PRLR: variants seen among roughly 807,000 people sequenced by gnomAD.
PRLR encodes hPRL receptor.
PRLR carries 13 observed loss-of-function variants against 40.2 expected under a neutral mutation model. The ratio of observed to expected loss-of-function variants is 0.32; its 90% confidence interval spans 0.21 to 0.51. PRLR has a LOEUF of 0.51. Among genes scored for constraint, PRLR ranks in the 20% least tolerant of loss-of-function variants. PRLR has a pLI of 0.97. For missense variants in PRLR, 656 were observed against 747.3 expected (o/e 0.88, Z 1.42); for synonymous variants, 269 against 278.7 (o/e 0.97, Z 0.35).
chr5:35,052,169 C>T (rs987476411), downstream of PRLR, among the ~76,000 whole-genome samples: 25 of 152,212 alleles, frequency 1.6e-4, no homozygotes, highest in African/African-American at 6.0e-4. Context: ...AGATGAACCT[C>T]ATTAATGCAA....
intron 1 of PRLR, among the ~76,000 whole-genome samples, chr5:35,202,830 T>A (rs73078878): frequency 0.011 from 1,673 of 152,306 alleles, 39 homozygotes; most frequent in African/African-American, 0.039. Context: ...AAGACATGAA[T>A]GTAATTTAGC....
chr5:35,168,947 C>T (rs567696651), intron 1 of PRLR, among the ~76,000 whole-genome samples: 10 of 152,234 alleles, frequency 6.6e-5, no homozygotes, highest in African/African-American at 1.9e-4. Flanking sequence ...ATCTGGATCC[C>T]ACACCTCAAA....
At chr5:35,140,649 G>C (rs748819746) in intron 1 of PRLR, among the ~76,000 whole-genome samples, 1 of 152,188 alleles carries the variant, frequency 6.6e-6, no homozygotes, top group African/African-American at 2.4e-5. Context: ...CTTATGATGT[G>C]GGGGGAGGAG....
intron 2 of PRLR, among the ~76,000 whole-genome samples, chr5:35,102,872 A>G (rs1364612149): frequency 6.6e-6 from 1 of 151,996 alleles, no homozygotes; most frequent in East Asian, 1.9e-4. Flanking sequence ...TTTTCTTTAC[A>G]TTCAATTTAA....
At chr5:35,089,996 T>C (rs373033457) in intron 2 of PRLR, among the ~76,000 whole-genome samples, 1 of 152,180 alleles carries the variant, frequency 6.6e-6, no homozygotes. Flanking sequence ...ATATCATCCA[T>C]CTTATGTAAC....
rs994904989 is a variant in PRLR, at chr5:35,059,124, C to A, written c.*5965G>T. 1 of 152,078 alleles carries A rather than the reference C, an allele frequency of 6.6e-6. No homozygotes were observed. The highest frequency in any genetic ancestry group is 1.9e-4 in the East Asian group (1 of 5,198). The allele number at this position is 152,078 out of a possible 1,614,324, so 9.4% of individuals were successfully genotyped here. A position where few individuals can be genotyped will look rare whatever the true frequency, so the allele number is the denominator to read the frequency against. The stretch of plus-strand genomic sequence containing the variant: ...CATTTTGAGGTTTATCCAAGTGAAG[C>A]GTAATTTGACCATAACTATTAAAGG... On this transcript the variant is annotated 3_prime_UTR_variant, in exon 10 of 10. Transcript: ENST00000618457.
intron 5 of PRLR, among the ~76,000 whole-genome samples, chr5:35,075,259 G>A (rs1770005012): frequency 6.6e-6 from 1 of 152,208 alleles, no homozygotes; most frequent in Non-Finnish European, 1.5e-5. Flanking sequence ...CCCGGGAAGT[G>A]CAAGGGGTCA....
chr5:35,217,129 T>G (rs972565548), intron 1 of PRLR, among the ~76,000 whole-genome samples: 1 of 152,156 alleles, frequency 6.6e-6, no homozygotes, highest in Non-Finnish European at 1.5e-5. Flanking sequence ...CCTTTTCTGT[T>G]GAGAAACTTC....
At chr5:35,161,231 G>C (rs994918667) in intron 1 of PRLR, among the ~76,000 whole-genome samples, 1 of 152,178 alleles carries the variant, frequency 6.6e-6, no homozygotes, top group African/African-American at 2.4e-5. Flanking sequence ...TTCATTCCCA[G>C]TTACCTGCGC....
chr5:35,136,417 G>T (rs2962107), intron 1 of PRLR, among the ~76,000 whole-genome samples: 31,430 of 151,852 alleles, frequency 0.21, 5,848 homozygotes, highest in African/African-American at 0.5. Flanking sequence ...ACTGTAGGGT[G>T]CCTAGCAGCA....
chr5:35,138,390 G>A (rs1225110172), intron 1 of PRLR, among the ~76,000 whole-genome samples: 2 of 152,162 alleles, frequency 1.3e-5, no homozygotes, highest in African/African-American at 2.4e-5. Flanking sequence ...ATGTCATCAT[G>A]GTAAAACCAC....
intron 2 of PRLR, among the ~76,000 whole-genome samples, chr5:35,091,327 T>G (rs923476103): frequency 3.9e-5 from 6 of 152,168 alleles, no homozygotes; most frequent in African/African-American, 1.4e-4. Context: ...GGTTAAAGAC[T>G]CCTACTGGGT....
At chr5:35,117,396 A>T (rs1341892135) in intron 2 of PRLR, among the ~76,000 whole-genome samples, 1 of 152,164 alleles carries the variant, frequency 6.6e-6, no homozygotes, top group East Asian at 1.9e-4. Flanking sequence ...TCAAAGTCGT[A>T]CATGTCGAGC....
At position 35,062,017 on chromosome 5, in the gene PRLR, A is replaced by T. The variant is rs1769066445; in HGVS notation, c.*3072T>A. 1 of 152,202 alleles carries T rather than the reference A, an allele frequency of 6.6e-6. No homozygotes were observed. Among genetic ancestry groups the T allele is most frequent in the South Asian group, 2.1e-4 (1 of 4,830 alleles). The allele number at this position is 152,202 out of a possible 1,614,324, so 9.4% of individuals were successfully genotyped here. On this transcript the variant is annotated 3_prime_UTR_variant, in exon 10 of 10. Transcript: ENST00000618457. ...TCTTTTTTTAAATGCCTCTTTCTAC[A>T]CATATATTTGCACATAATCTTAGAA...
intron 2 of PRLR, among the ~76,000 whole-genome samples, chr5:35,104,302 C>G (rs538954405): frequency 1.3e-5 from 2 of 152,178 alleles, no homozygotes; most frequent in Non-Finnish European, 2.9e-5. Context: ...CAGCTCCCAG[C>G]GTGAGCAATG....
At chr5:35,176,666 G>A (rs1775156599) in intron 1 of PRLR, among the ~76,000 whole-genome samples, 1 of 152,170 alleles carries the variant, frequency 6.6e-6, no homozygotes, top group Non-Finnish European at 1.5e-5. Flanking sequence ...AGTACCCAGG[G>A]ACACAAAAAC....
chr5:35,173,817 G>GTTTCT (rs535877722), intron 1 of PRLR, among the ~76,000 whole-genome samples: 4 of 151,854 alleles, frequency 2.6e-5, no homozygotes, highest in African/African-American at 7.3e-5. Context: ...TTTTGTTGTT[G>GTTTCT]TTTCTTTTCT....
At chr5:35,120,910 G>A (rs1773267163) in intron 1 of PRLR, among the ~76,000 whole-genome samples, 1 of 152,178 alleles carries the variant, frequency 6.6e-6, no homozygotes, top group Admixed American at 6.5e-5. Context: ...CTCTGTTACT[G>A]TAGTACAAAA....
intron 1 of PRLR, among the ~76,000 whole-genome samples, chr5:35,204,249 AC>A (rs1410606067): frequency 2.0e-5 from 3 of 151,714 alleles, no homozygotes; most frequent in African/African-American, 7.3e-5. Flanking sequence ...GAAAAAAAAA[AC>A]ATAAAAACAC....
Sources: gnomAD v4.1 joint callset for allele counts (sites outside exome capture counted in the v4.1 genomes callset) on GRCh38, gnomAD v4.1.1 for gene constraint, MANE v1.5 for transcripts, NCBI Gene and HGNC (gene_info 2026-07-23, HGNC 2026-07-21) for gene names.